MGAT4C: variants seen among roughly 807,000 people sequenced by gnomAD.
MGAT4C encodes alpha-1,3-mannosyl-glycoprotein 4-beta-N-acetylglucosaminyltransferase C.
In MGAT4C, 19 loss-of-function variants were observed where a neutral mutation model predicts 40.1. That is an observed-to-expected ratio of 0.47 (90% CI 0.33 to 0.70). MGAT4C has a LOEUF of 0.70. Among genes scored for constraint, MGAT4C ranks in the 30% least tolerant of loss-of-function variants. The pLI, the probability that MGAT4C is intolerant of heterozygous loss-of-function variation, is 0.02. For missense variants in MGAT4C, 491 were observed against 563.2 expected, an observed-to-expected ratio of 0.87 and a Z score of 1.30; for synonymous variants, 181 against 187.1, an observed-to-expected ratio of 0.97 and a Z score of 0.27.
rs1882355811 is a variant in MGAT4C at position 86,138,577 on chromosome 12, T to C, written c.-56-88854A>G. 3.4e-5 allele frequency among the ~76,000 whole-genome samples: 5 copies of C among 146,842 alleles called. No homozygotes were observed. In the Admixed American group the frequency reaches 3.4e-4, roughly 10 times the overall value. On this transcript the variant is annotated intron_variant, in intron 1 of 4. Transcript: ENST00000611864. ...TCATGTATATATTTCCATAGATATA[T>C]CATATATATATTTCCATATATATAT...
intron 4 of MGAT4C, among the ~76,000 whole-genome samples, chr12:86,270,039 T>TTTTTG (rs1228931108): frequency 2.0e-5 from 3 of 151,864 alleles, no homozygotes; most frequent in Non-Finnish European, 2.9e-5. Flanking sequence ...TGGATCTCTG[T>TTTTTG]TTTTGTTTTG....
intron 3 of MGAT4C, among the ~76,000 whole-genome samples, chr12:86,355,620 A>G (rs1006526745): frequency 6.6e-6 from 1 of 152,208 alleles, no homozygotes; most frequent in Non-Finnish European, 1.5e-5. Flanking sequence ...AAGTGTTGAA[A>G]GAAAACAAAA....
intron 4 of MGAT4C, among the ~76,000 whole-genome samples, chr12:86,297,685 G>A (rs1953714150): frequency 6.6e-6 from 1 of 152,038 alleles, no homozygotes. Context: ...ATAAGATTTG[G>A]GTTTGTTGCA....
chr12:86,327,204 T>C (rs1954548503), intron 4 of MGAT4C, among the ~76,000 whole-genome samples: 1 of 152,166 alleles, frequency 6.6e-6, no homozygotes, highest in African/African-American at 2.4e-5. Flanking sequence ...CTCCCAGCAC[T>C]ATATTATAGT....
At chr12:86,613,043 A>G (rs78754280) in intron 2 of MGAT4C, among the ~76,000 whole-genome samples, 13,096 of 152,150 alleles carry the variant, frequency 0.086, 910 homozygotes, top group African/African-American at 0.19. Context: ...TTTTCTCTAA[A>G]AGGATTAATT....
chr12:86,032,728 G>A lies in MGAT4C; in HGVS notation c.-7+16946C>T, dbSNP rs577616897. On this transcript the variant is annotated intron_variant, in intron 2 of 4. Transcript: ENST00000611864. ...ATTTTTTGGTTGTTTGTTTAACTCT[G>A]TTGATAGTTTCTTTCACTGCGCAGA... Among the ~76,000 whole-genome samples the A allele has an allele frequency of 1.1e-4, 17 of 149,800 alleles. No homozygotes were observed. The South Asian group carries it at 3.6e-3, about 31-fold the overall frequency.
chr12:86,830,410 A>T (rs1410172305), intron 1 of MGAT4C, among the ~76,000 whole-genome samples: 1 of 151,614 alleles, frequency 6.6e-6, no homozygotes, highest in East Asian at 1.9e-4. Flanking sequence ...GTCTCTAAGT[A>T]TGTATTTATC....
intron 1 of MGAT4C, among the ~76,000 whole-genome samples, chr12:86,169,823 A>G (rs770186483): frequency 5.9e-5 from 9 of 152,218 alleles, no homozygotes; most frequent in Non-Finnish European, 1.0e-4. Context: ...AAGCCCAGAA[A>G]GAGAAAAGAT....
chr12:86,037,357 C>T (rs1335129282), intron 2 of MGAT4C, among the ~76,000 whole-genome samples: 1 of 149,860 alleles, frequency 6.7e-6, no homozygotes, highest in Admixed American at 6.7e-5. Context: ...GCTCCTGCTT[C>T]TCTAGTTCTT....
intron 2 of MGAT4C, among the ~76,000 whole-genome samples, chr12:86,678,564 A>T (rs551801095): frequency 2.2e-4 from 33 of 148,444 alleles, no homozygotes; most frequent in African/African-American, 7.0e-4. Flanking sequence ...TATCTCCTAA[A>T]GCTATCCCTC....
At chr12:86,807,965 T>TA (rs1952392380) in intron 1 of MGAT4C, among the ~76,000 whole-genome samples, 1 of 150,430 alleles carries the variant, frequency 6.6e-6, no homozygotes, top group Non-Finnish European at 1.5e-5. Context: ...GCCCACTTTT[T>TA]AATGGTTTTT....
chr12:86,766,589 C>G (rs1001415553), intron 1 of MGAT4C, among the ~76,000 whole-genome samples: 4 of 149,656 alleles, frequency 2.7e-5, no homozygotes, highest in African/African-American at 4.9e-5. Context: ...CACACCACAC[C>G]TATTCCACAA....
intron 1 of MGAT4C, among the ~76,000 whole-genome samples, chr12:86,240,033 A>T (rs1228158579): frequency 5.5e-4 from 28 of 51,156 alleles, no homozygotes; most frequent in Admixed American, 3.7e-3. Flanking sequence ...TAATAAAAAA[A>T]AAAAATAAAA....
chr12:86,788,554 C>CA (rs1326102285), intron 1 of MGAT4C, among the ~76,000 whole-genome samples: 1 of 152,038 alleles, frequency 6.6e-6, no homozygotes, highest in African/African-American at 2.4e-5. Flanking sequence ...TGGATCCTGT[C>CA]AAAAAATTCC....
At chr12:86,480,173 A>G (rs962152913) in intron 2 of MGAT4C, among the ~76,000 whole-genome samples, 1 of 151,824 alleles carries the variant, frequency 6.6e-6, no homozygotes, top group Non-Finnish European at 1.5e-5. Context: ...ACACTAAAGA[A>G]ATACTGCATT....
At chr12:86,141,186 T>C (rs1882789116) in intron 1 of MGAT4C, among the ~76,000 whole-genome samples, 1 of 152,188 alleles carries the variant, frequency 6.6e-6, no homozygotes, top group Admixed American at 6.5e-5. Context: ...ATACTTCTTT[T>C]TGAATGCCTC....
At chr12:86,663,485 T>G (rs1436859601) in intron 2 of MGAT4C, among the ~76,000 whole-genome samples, 2 of 152,014 alleles carry the variant, frequency 1.3e-5, no homozygotes, top group Non-Finnish European at 1.5e-5. Context: ...CGTGTGAAAC[T>G]TAGTCATTTA....
chr12:86,276,919 A>T (rs1052340204), intron 4 of MGAT4C, among the ~76,000 whole-genome samples: 3 of 152,156 alleles, frequency 2.0e-5, no homozygotes, highest in Admixed American at 2.0e-4. Flanking sequence ...TCTTAAATAT[A>T]CTGATTTCCT....
intron 3 of MGAT4C, among the ~76,000 whole-genome samples, chr12:86,385,507 A>G (rs951709657): frequency 6.6e-6 from 1 of 152,204 alleles, no homozygotes; most frequent in Admixed American, 6.5e-5. Context: ...TTGTTGCTTA[A>G]TGTCTTTCAA....
Sources: gnomAD v4.1 joint callset for allele counts (sites outside exome capture counted in the v4.1 genomes callset) on GRCh38, gnomAD v4.1.1 for gene constraint, MANE v1.5 for transcripts, NCBI Gene and HGNC (gene_info 2026-07-23, HGNC 2026-07-21) for gene names.